ARNT2: variants seen among roughly 807,000 people sequenced by gnomAD.
ARNT2 encodes aryl hydrocarbon receptor nuclear translocator 2.
ARNT2 carries 36 observed loss-of-function variants against 91.7 expected under a neutral mutation model. That is an observed-to-expected ratio of 0.39 (90% CI 0.30 to 0.52). The LOEUF is 0.52. Ranked by LOEUF, ARNT2 falls within the 20% of genes least tolerant of loss-of-function variation. ARNT2 has a pLI of 0.72. For synonymous variants in ARNT2, 365 were observed against 347.1 expected (o/e 1.05, Z -0.57); for missense variants, 775 against 939.3 (o/e 0.83, Z 2.29).
chr15:80,481,979 G>A (rs920589912), intron 5 of ARNT2, among the ~76,000 whole-genome samples: 18 of 152,170 alleles, frequency 1.2e-4, no homozygotes, highest in African/African-American at 3.9e-4. Flanking sequence ...ATAGCTTGCT[G>A]CAGCCTCTCT....
intron 11 of ARNT2, among the ~76,000 whole-genome samples, chr15:80,559,729 A>G (rs1030635333): frequency 6.6e-6 from 1 of 152,256 alleles, no homozygotes; most frequent in Middle Eastern, 3.4e-3. Context: ...ACTCTGTGAA[A>G]GTGAAAGCAG....
chr15:80,443,508 G>T (rs960270064), intron 1 of ARNT2, among the ~76,000 whole-genome samples: 6 of 152,158 alleles, frequency 3.9e-5, no homozygotes, highest in Non-Finnish European at 8.8e-5. Flanking sequence ...GAGACCTCTC[G>T]GAGGTAGCAG....
In ARNT2 at chr15:80,591,716, G is replaced by A. The variant is rs894589439; in HGVS notation, c.2055+12G>A. On this transcript the variant is annotated intron_variant, in intron 18 of 18. Coordinates refer to ENST00000303329, the MANE Select transcript of ARNT2 (RefSeq NM_014862.4). The surrounding 1 kb of genome is among the most constrained non-coding windows in gnomAD (Gnocchi z 5.1). ...CTGAAGTGTTCCAGGTAAATCGAGC[G>A]AGCACCGCCTTCTCGTAGGTACCGG... 31 of 1,613,470 alleles carry A rather than the reference G, an allele frequency of 1.9e-5. No individual in the cohort carries two copies. The highest frequency in any genetic ancestry group is 1.2e-4 in the African/African-American group (9 of 74,902).
chr15:80,465,920 G>C (rs1429325487), intron 3 of ARNT2, among the ~76,000 whole-genome samples: 1 of 152,184 alleles, frequency 6.6e-6, no homozygotes, highest in Non-Finnish European at 1.5e-5. Flanking sequence ...GATTGTGTTT[G>C]CACCTGCTCA....
intron 12 of ARNT2, among the ~76,000 whole-genome samples, chr15:80,567,816 T>A (rs1260565609): frequency 6.6e-6 from 1 of 152,062 alleles, no homozygotes; most frequent in Admixed American, 6.5e-5. Flanking sequence ...CCTACACTGG[T>A]GAAGTTGGTT....
intron 1 of ARNT2, among the ~76,000 whole-genome samples, chr15:80,420,811 A>T (rs1329765889): frequency 1.3e-5 from 2 of 152,162 alleles, no homozygotes; most frequent in Non-Finnish European, 2.9e-5. Context: ...CACTCCTGGG[A>T]TGGTTGACCT....
At chr15:80,470,030 G>A (rs1371039897) in intron 3 of ARNT2, among the ~76,000 whole-genome samples, 188 bp from the exon 4 acceptor site, 2 of 152,190 alleles carry the variant, frequency 1.3e-5, no homozygotes, top group Non-Finnish European at 2.9e-5. Flanking sequence ...CCAACACATA[G>A]ATGTAAGAGC....
chr15:80,512,765 T>C (rs1276795028), intron 6 of ARNT2, among the ~76,000 whole-genome samples: 1 of 152,226 alleles, frequency 6.6e-6, no homozygotes, highest in Non-Finnish European at 1.5e-5. Flanking sequence ...CCATTATCAC[T>C]GCCCCGTCAA....
At position 80,574,090 on chromosome 15, in the gene ARNT2, A is replaced by T. The variant is rs1898627346; in HGVS notation, c.1317-58A>T. The T allele has an allele frequency of 2.7e-6, 4 of 1,465,772 alleles. No homozygotes were observed. The African/African-American group carries it at 5.6e-5, about 20-fold the overall frequency. 90.8% of individuals were successfully genotyped at this position (1,465,772 alleles called of 1,614,324 possible). A position where few individuals can be genotyped will look rare whatever the true frequency, so the allele number is the denominator to read the frequency against. ...TGAGGTATGGGAAAAGTCCTGGCTT[A>T]GCCCTATTGTCACCCCTTCTGTTCT... is the stretch of plus-strand genomic sequence containing the variant. On this transcript the variant is annotated intron_variant, in intron 12 of 18. Transcript: ENST00000303329.
chr15:80,551,808 C>T (rs866927368), intron 9 of ARNT2, among the ~76,000 whole-genome samples: 15 of 152,146 alleles, frequency 9.9e-5, no homozygotes, highest in African/African-American at 3.4e-4. Context: ...ACTAAAATGT[C>T]TCCCTGATCT....
rs1895566341 is a variant in ARNT2 at position 80,404,459 on chromosome 15, C to T, written c.-57C>T. 3 of 1,160,856 alleles carry T rather than the reference C, an allele frequency of 2.6e-6. No individual in the cohort carries two copies. Among genetic ancestry groups the T allele is most frequent in the Non-Finnish European group, 2.2e-6 (2 of 921,272 alleles). 71.9% of individuals were successfully genotyped at this position (1,160,856 alleles called of 1,614,324 possible). A position where few individuals can be genotyped will look rare whatever the true frequency, so the allele number is the denominator to read the frequency against. ...CGGGTCCCCGGGGCTGAGCGCCGGGCTCCGCGCCGCCCCTCCCGCGCCCCT... is the reference window on the plus strand; with the variant it reads ...CGGGTCCCCGGGGCTGAGCGCCGGGTTCCGCGCCGCCCCTCCCGCGCCCCT... On this transcript the variant is annotated 5_prime_UTR_variant, in exon 1 of 19. Transcript: ENST00000303329. The surrounding 1 kb of genome is among the most constrained non-coding windows in gnomAD (Gnocchi z 5.5).
At chr15:80,493,412 G>C (rs996436382) in intron 5 of ARNT2, among the ~76,000 whole-genome samples, 6 of 152,202 alleles carry the variant, frequency 3.9e-5, no homozygotes, top group Non-Finnish European at 5.9e-5. Context: ...CTATCTGGGA[G>C]CTGCAGCCGA....
chr15:80,554,042 G>C (rs1163059093), intron 10 of ARNT2, among the ~76,000 whole-genome samples: 1 of 152,234 alleles, frequency 6.6e-6, no homozygotes, highest in Non-Finnish European at 1.5e-5. Flanking sequence ...TCCATTGCCA[G>C]TGTCAGCATT....
At chr15:80,430,497 G>T (rs1595958606) in intron 1 of ARNT2, among the ~76,000 whole-genome samples, 1 of 152,350 alleles carries the variant, frequency 6.6e-6, no homozygotes, top group East Asian at 1.9e-4. Context: ...TGTTGGGATA[G>T]CCCAGGGCTA....
chr15:80,504,012 G>T (rs900185372), intron 5 of ARNT2, among the ~76,000 whole-genome samples: 1 of 152,206 alleles, frequency 6.6e-6, no homozygotes, highest in African/African-American at 2.4e-5. Flanking sequence ...GACAGAGCCG[G>T]CCCAAGGAGA....
rs1363890446 is a variant in ARNT2, at chr15:80,572,897, T to C, written c.1317-1251T>C. On this transcript the variant is annotated intron_variant, in intron 12 of 18. Coordinates refer to ENST00000303329, the MANE Select transcript of ARNT2 (RefSeq NM_014862.4). ...CAGACGATCTTCACAGTGGTTGCTG[T>C]CAGTGCTGTGGAATAGTCACTCAGG... Among the ~76,000 whole-genome samples, 19 of 152,254 alleles carry C rather than the reference T, an allele frequency of 1.2e-4. 1 individual carries two copies. The highest frequency in any genetic ancestry group is 1.2e-3 in the Admixed American group (19 of 15,292).
At chr15:80,559,372 G>A (rs375755960) in intron 11 of ARNT2, among the ~76,000 whole-genome samples, 31 of 152,152 alleles carry the variant, frequency 2.0e-4, no homozygotes, top group African/African-American at 6.5e-4. Flanking sequence ...TGTGGGCAGC[G>A]GCCAAGCAGC....
At chr15:80,410,653 G>C (rs1006828271) in intron 1 of ARNT2, among the ~76,000 whole-genome samples, 9 of 152,166 alleles carry the variant, frequency 5.9e-5, no homozygotes, top group African/African-American at 2.2e-4. Flanking sequence ...AACAATGCTT[G>C]CATTTACTGC....
intron 1 of ARNT2, among the ~76,000 whole-genome samples, chr15:80,417,910 G>T (rs1895809961): frequency 1.3e-5 from 2 of 152,176 alleles, no homozygotes; most frequent in Admixed American, 1.3e-4. Flanking sequence ...CGTAGTGTGT[G>T]GGTGGCTGGT....
Sources: allele counts gnomAD v4.1 joint callset (sites outside exome capture counted in the v4.1 genomes callset), GRCh38; gene constraint gnomAD v4.1.1; non-coding constraint Gnocchi (gnomAD v3.1); transcripts MANE v1.5; gene names NCBI Gene and HGNC (gene_info 2026-07-23, HGNC 2026-07-21).